COL24A1: variants seen among roughly 807,000 people sequenced by gnomAD.
COL24A1 encodes the protein collagen alpha-1(XXIV) chain.
Under a neutral mutation model 253.9 loss-of-function variants are expected in COL24A1, and 224 were observed. The ratio of observed to expected loss-of-function variants is 0.88; its 90% confidence interval spans 0.79 to 0.99. COL24A1 has a LOEUF of 0.99. COL24A1 is among the 50% of genes least tolerant of loss of function. The probability of loss-of-function intolerance (pLI) is 0.00; values close to 1 mark genes in which losing one functional copy is unlikely to be tolerated. For missense variants in COL24A1, 2,131 were observed against 2,068.5 expected, an observed-to-expected ratio of 1.03 and a Z score of -0.59; for synonymous variants, 685 against 673.7, an observed-to-expected ratio of 1.02 and a Z score of -0.26.
intron 53 of COL24A1, among the ~76,000 whole-genome samples, 178 bp downstream of exon 53, chr1:85,775,496 G>T (rs1385482207): frequency 6.6e-6 from 1 of 152,066 alleles, no homozygotes; most frequent in Non-Finnish European, 1.5e-5. Flanking sequence ...TTATTATTGT[G>T]TGAGTCTAAG....
Position 85,946,856 on chromosome 1 carries a change from A to G in COL24A1, c.2562+14393T>C, listed in dbSNP as rs184138355. Among the ~76,000 whole-genome samples the G allele has an allele frequency of 2.1e-3, 314 of 152,326 alleles. 11 individuals are homozygous for G. The South Asian group carries it at 0.053, about 25-fold the overall frequency. On this transcript the variant is annotated intron_variant, in intron 24 of 59. Transcript: ENST00000370571. ...ATATTCAAACTGAAACAGAACTACT[A>G]TTCTGTTGAAATTCTTAACTGTTCT...
rs764619175 is a variant in COL24A1 at position 85,877,145 on chromosome 1, G to A, written c.3007C>T (p.Pro1003Ser). 1.2e-6 allele frequency: 2 copies of A among 1,606,340 alleles called. No homozygotes were observed. Among genetic ancestry groups the A allele is most frequent in the Non-Finnish European group, 1.7e-6 (2 of 1,176,634 alleles). ...GLRGLQGDVG[P>S]PGEMGMEGPP... ...ACCTCCATGCCCATTTCTCCAGGAG[G>A]TCCAACATCACCTTGCAGTCCTCGC... The change falls in exon 33 of 60, where the codon CCT becomes TCT. Residue 1003 changes from proline (P) to serine (S), a missense_variant. Physicochemically the swap from Pro to Ser is moderately conservative, Grantham distance 74. Coordinates refer to ENST00000370571, the MANE Select transcript of COL24A1 (RefSeq NM_152890.7).
Position 86,126,138 on chromosome 1 carries a change from T to C in COL24A1, c.198A>G (p.Ser66=), listed in dbSNP as rs1351159078. 3 of 1,610,596 alleles carry C rather than the reference T, an allele frequency of 1.9e-6. No individual in the cohort carries two copies. The highest frequency in any genetic ancestry group is 2.5e-6 in the Non-Finnish European group (3 of 1,179,494). ...CCCCCTGAGGTAACGGTGTAGATGC[T>C]GATGGTACAGCAGTCGCTGGTGATG... The part of the protein sequence containing the change: ...RHSSPATAVP[S]ASTPLPQGVH... The change falls in exon 3 of 60, where the codon TCA becomes TCG. Residue 66 remains serine (S), a synonymous_variant. Coordinates refer to ENST00000370571, the MANE Select transcript of COL24A1 (RefSeq NM_152890.7).
chr1:86,022,888 A>T lies in COL24A1; in HGVS notation c.2104-11T>A. ...ATTCCCTGAAAGGCCCTACAAAAAA[A>T]GGTGACATTTTGTGATATCATAGAC... On this transcript the variant is annotated splice_polypyrimidine_tract_variant and intron_variant, in intron 15 of 59. Transcript: ENST00000370571. 6.2e-7 allele frequency: 1 copy of T among 1,608,590 alleles called. No homozygotes were observed. The highest frequency in any genetic ancestry group is 8.5e-7 in the Non-Finnish European group (1 of 1,177,054).
rs188566518 is a variant in COL24A1 at position 86,112,288 on chromosome 1, A to G, written c.1599+279T>C. Among the ~76,000 whole-genome samples the G allele has an allele frequency of 3.5e-3, 529 of 152,278 alleles. 3 individuals carry two copies. Among genetic ancestry groups the G allele is most frequent in the African/African-American group, 0.012 (515 of 41,544 alleles). On this transcript the variant is annotated intron_variant, in intron 5 of 59. Transcript: ENST00000370571. ...ATAATCTTATATTTCAGAGGTTTCCATACATTGCCATCATATTTTTGATAA... is the reference window on the plus strand; with the variant it reads ...ATAATCTTATATTTCAGAGGTTTCCGTACATTGCCATCATATTTTTGATAA...
At position 85,947,173 on chromosome 1, in the gene COL24A1, C is replaced by T. The variant is rs181978730; in HGVS notation, c.2562+14076G>A. On this transcript the variant is annotated intron_variant, in intron 24 of 59. Coordinates refer to ENST00000370571, the MANE Select transcript of COL24A1 (RefSeq NM_152890.7). ...TCCCCTATGTACTGTTTTAGATTTA[C>T]CTACTAAAACTAGATGAGCACAAAG... 1.1e-4 allele frequency among the ~76,000 whole-genome samples: 17 copies of T among 152,248 alleles called. No individual in the cohort carries two copies. In the East Asian group the frequency reaches 3.1e-3, roughly 28 times the overall value.
intron 24 of COL24A1, among the ~76,000 whole-genome samples, chr1:85,941,314 TC>T (rs899852240): frequency 1.3e-5 from 2 of 151,998 alleles, no homozygotes; most frequent in African/African-American, 2.4e-5. Context: ...ATCCGATGCC[TC>T]CCCCCACTGT....
intron 57 of COL24A1, 50 bp from the exon 58 acceptor site, chr1:85,737,555 C>A (rs765850866): frequency 7.1e-6 from 9 of 1,263,746 alleles, no homozygotes; most frequent in South Asian, 1.4e-5. Context: ...ATGCCATAAT[C>A]CTTATAATTT....
chr1:86,118,126 G>A (rs989582228), intron 3 of COL24A1, among the ~76,000 whole-genome samples: 1 of 149,434 alleles, frequency 6.7e-6, no homozygotes, highest in Admixed American at 6.7e-5. Context: ...ATAGTGGCGT[G>A]ATCTCGGCTC....
chr1:85,977,466 AAAAC>A (rs1421401256), intron 20 of COL24A1, among the ~76,000 whole-genome samples: 1 of 152,188 alleles, frequency 6.6e-6, no homozygotes, highest in Non-Finnish European at 1.5e-5. Flanking sequence ...GAAATTTAAA[AAAAC>A]AAACAATACA....
intron 19 of COL24A1, among the ~76,000 whole-genome samples, chr1:86,002,155 C>T (rs923021223): frequency 6.6e-6 from 1 of 152,212 alleles, no homozygotes; most frequent in African/African-American, 2.4e-5. Flanking sequence ...TCTTTGGGTT[C>T]TGATGATCAG....
intron 5 of COL24A1, among the ~76,000 whole-genome samples, chr1:86,104,977 G>T (rs1397645202): frequency 1.3e-5 from 2 of 152,232 alleles, no homozygotes; most frequent in Non-Finnish European, 2.9e-5. Flanking sequence ...CACACTGGTG[G>T]TGGTGTTAGC....
chr1:85,986,573 T>A (rs1295637677), intron 20 of COL24A1, among the ~76,000 whole-genome samples: 2 of 151,796 alleles, frequency 1.3e-5, no homozygotes, highest in Non-Finnish European at 3.0e-5. Flanking sequence ...ATTCTGGCTA[T>A]ATAGCTTAAA....
chr1:86,152,716 C>T (rs767336877), intron 1 of COL24A1, among the ~76,000 whole-genome samples: 7 of 152,174 alleles, frequency 4.6e-5, no homozygotes, highest in African/African-American at 7.2e-5. Flanking sequence ...TACATCTAAA[C>T]TAGTCTGTCC....
chr1:85,765,559 TTAAA>T (rs5775868), intron 53 of COL24A1, among the ~76,000 whole-genome samples: 117,752 of 142,894 alleles, frequency 0.82, 48,892 homozygotes, highest in East Asian at 0.9. Context: ...AAAAAAATCA[TTAAA>T]TAAATAAATA....
At chr1:85,834,632 T>C (rs1675792535) in intron 43 of COL24A1, among the ~76,000 whole-genome samples, 1 of 152,208 alleles carries the variant, frequency 6.6e-6, no homozygotes, top group Admixed American at 6.5e-5. Flanking sequence ...AAAAAGAACT[T>C]TGAGATGCAA....
intron 18 of COL24A1, among the ~76,000 whole-genome samples, chr1:86,021,610 T>C (rs1697546561): frequency 6.6e-6 from 1 of 152,164 alleles, no homozygotes; most frequent in South Asian, 2.1e-4. Context: ...TACTGCCTGG[T>C]ATTGTGTAGA....
Position 86,014,312 on chromosome 1 carries a change from A to T in COL24A1, c.2310+2839T>A, listed in dbSNP as rs532284106. ...CCAAAATTTATTTTACTGACTTTTT[A>T]TTATCAACTTAAAACTTAACTGCAC... On this transcript the variant is annotated intron_variant, in intron 19 of 59. Transcript: ENST00000370571. Among the ~76,000 whole-genome samples, 4 of 152,268 alleles carry T rather than the reference A, an allele frequency of 2.6e-5. No individual in the cohort carries two copies. The East Asian group carries it at 7.7e-4, about 29-fold the overall frequency.
intron 25 of COL24A1, among the ~76,000 whole-genome samples, 163 bp downstream of exon 25, chr1:85,911,217 A>T (rs368220201): frequency 2.0e-5 from 3 of 152,008 alleles, no homozygotes; most frequent in Non-Finnish European, 4.4e-5. Flanking sequence ...TTAGAAACCT[A>T]CATGCTGTTA....
Sources: allele counts gnomAD v4.1 joint callset (sites outside exome capture counted in the v4.1 genomes callset), GRCh38; gene constraint gnomAD v4.1.1; transcripts MANE v1.5; gene names NCBI Gene and HGNC (gene_info 2026-07-23, HGNC 2026-07-21).